The following TMEM150C variants were observed in gnomAD, a reference collection of about 807,000 sequenced individuals.
The protein encoded by TMEM150C is tentonin 3.
A neutral mutation model predicts 29.9 loss-of-function variants in TMEM150C; 10 were observed. The observed-to-expected ratio is 0.33, with a 90% confidence interval of 0.21 to 0.57. The LOEUF (loss-of-function observed/expected upper bound fraction) is 0.57, where lower values mean the gene tolerates loss of function less well. Among genes scored for constraint, TMEM150C ranks in the 20% least tolerant of loss-of-function variants. The pLI, the probability that TMEM150C is intolerant of heterozygous loss-of-function variation, is 0.88. For missense variants in TMEM150C, 251 were observed against 303.6 expected, an observed-to-expected ratio of 0.83 and a Z score of 1.29; for synonymous variants, 101 against 112.5, an observed-to-expected ratio of 0.90 and a Z score of 0.64.
Position 82,485,658 on chromosome 4 carries a change from G to T in TMEM150C, c.603C>A (p.Val201=). Residue 201 remains valine, a synonymous_variant, in exon 8 of 8, where the codon GTC becomes GTA. Transcript: ENST00000449862. Reference sequence around the variant, plus strand: ...TGCCAAAATAAGACAGGAAGCACATGACCAGGCCCCACTGGACCCTGGCTG... The same window carrying T: ...TGCCAAAATAAGACAGGAAGCACATTACCAGGCCCCACTGGACCCTGGCTG... The part of the protein sequence containing the change: ...MYAARVQWGL[V]MCFLSYFGTF... The T allele has an allele frequency of 6.2e-7, 1 of 1,609,708 alleles. No homozygotes were observed. The highest frequency in any genetic ancestry group is 1.1e-5 in the South Asian group (1 of 89,886).
chr4:82,502,273 T>C (rs914205735), intron 5 of TMEM150C, among the ~76,000 whole-genome samples: 3 of 152,218 alleles, frequency 2.0e-5, no homozygotes, highest in Admixed American at 6.5e-5. Context: ...GGAGAGAGTG[T>C]AATCCTAATG....
intron 2 of TMEM150C, among the ~76,000 whole-genome samples, chr4:82,503,576 C>T (rs548342429): frequency 1.2e-4 from 19 of 152,284 alleles, no homozygotes; most frequent in South Asian, 2.1e-4. Flanking sequence ...TCAGGCCGGG[C>T]GCAGTGGCTC....
At chr4:82,542,884 A>G (rs963734400) in intron 1 of TMEM150C, among the ~76,000 whole-genome samples, 17 of 152,214 alleles carry the variant, frequency 1.1e-4, no homozygotes, top group Admixed American at 4.6e-4. Context: ...CACAGTACTG[A>G]AAGTACTTCA....
chr4:82,520,483 A>G (rs1393007322), intron 1 of TMEM150C, among the ~76,000 whole-genome samples: 1 of 152,146 alleles, frequency 6.6e-6, no homozygotes, highest in Non-Finnish European at 1.5e-5. Flanking sequence ...CACACCCCAC[A>G]TTCAATGTGC....
intron 6 of TMEM150C, chr4:82,495,794 T>C (rs1723537119): frequency 2.4e-6 from 1 of 413,984 alleles, no homozygotes; most frequent in Non-Finnish European, 4.6e-6. Context: ...GCAATTTCTG[T>C]GGCCATATGC....
intron 1 of TMEM150C, among the ~76,000 whole-genome samples, chr4:82,538,534 G>A (rs1347104195): frequency 6.6e-6 from 1 of 151,994 alleles, no homozygotes; most frequent in East Asian, 1.9e-4. Context: ...GGATATAAGT[G>A]TATGTACAAT....
intron 1 of TMEM150C, among the ~76,000 whole-genome samples, chr4:82,559,603 G>A (rs1406078441): frequency 2.0e-5 from 3 of 152,116 alleles, no homozygotes; most frequent in Non-Finnish European, 4.4e-5. Flanking sequence ...ACACACCTGT[G>A]TCTAGTCCTA....
intron 1 of TMEM150C, among the ~76,000 whole-genome samples, chr4:82,539,459 C>CTTTTTTTTT (rs34120699): frequency 1.4e-5 from 2 of 147,436 alleles, no homozygotes; most frequent in Non-Finnish European, 3.0e-5. Context: ...ATCCAAACAA[C>CTTTTTTTTT]TTTTTTTTTT....
chr4:82,494,783 A>ATT (rs70964776), intron 6 of TMEM150C: 38,654 of 187,466 alleles, frequency 0.21, 5,962 homozygotes, highest in African/African-American at 0.37. Context: ...AATGTTCCTA[A>ATT]TTTTTTTTTT....
chr4:82,532,370 A>G (rs1724874634), intron 1 of TMEM150C, among the ~76,000 whole-genome samples: 1 of 152,146 alleles, frequency 6.6e-6, no homozygotes, highest in African/African-American at 2.4e-5. Context: ...GAGGGAAGGA[A>G]GAGAAAAAGA....
At chr4:82,491,106 AG>A in intron 6 of TMEM150C, 1 of 703,196 alleles carries the variant, frequency 1.4e-6, no homozygotes, top group East Asian at 2.6e-5. Flanking sequence ...TTTACGACAC[AG>A]GGCAGGCAGG....
intron 1 of TMEM150C, among the ~76,000 whole-genome samples, chr4:82,551,374 A>G (rs538728841): frequency 5.0e-4 from 76 of 152,340 alleles, no homozygotes; most frequent in African/African-American, 1.8e-3. Context: ...TCAGTGCTCT[A>G]TCACCAATAC....
chr4:82,491,730 G>A (rs1375975723), intron 6 of TMEM150C: 1 of 363,402 alleles, frequency 2.8e-6, no homozygotes, highest in Admixed American at 4.2e-5. Flanking sequence ...ATGAACTTCT[G>A]AGCTCAAGTA....
chr4:82,504,195 T>C (rs931543491), intron 2 of TMEM150C, among the ~76,000 whole-genome samples: 2 of 152,052 alleles, frequency 1.3e-5, no homozygotes, highest in Non-Finnish European at 2.9e-5. Context: ...GTCATAAAGA[T>C]ATGCCATCTA....
chr4:82,541,961 G>C (rs1203569872), intron 1 of TMEM150C, among the ~76,000 whole-genome samples: 1 of 152,204 alleles, frequency 6.6e-6, no homozygotes. Context: ...TACTTAATGC[G>C]CAGTAAGGTA....
intron 1 of TMEM150C, among the ~76,000 whole-genome samples, chr4:82,551,006 G>A (rs1293791251): frequency 1.3e-5 from 2 of 152,148 alleles, no homozygotes; most frequent in Non-Finnish European, 2.9e-5. Flanking sequence ...TGGAGTTTGA[G>A]GCTGAATTCA....
chr4:82,490,777 ATTACT>A (rs1472122321), intron 6 of TMEM150C: 2 of 398,462 alleles, frequency 5.0e-6, no homozygotes, highest in South Asian at 2.2e-5. Flanking sequence ...GAAAATTTGT[ATTACT>A]TTAATTGTTT....
intron 1 of TMEM150C, among the ~76,000 whole-genome samples, chr4:82,523,972 A>G (rs1386018771): frequency 6.6e-6 from 1 of 151,624 alleles, no homozygotes; most frequent in Non-Finnish European, 1.5e-5. Flanking sequence ...GTGAGCCACT[A>G]CACCTGGCCT....
intron 6 of TMEM150C, among the ~76,000 whole-genome samples, chr4:82,492,269 C>G (rs971981702): frequency 2.6e-5 from 4 of 152,152 alleles, no homozygotes; most frequent in Admixed American, 2.0e-4. Flanking sequence ...GCTGGGATTA[C>G]AGGCATATGC....
Sources: gnomAD v4.1 joint callset for allele counts (sites outside exome capture counted in the v4.1 genomes callset) on GRCh38, gnomAD v4.1.1 for gene constraint, MANE v1.5 for transcripts, NCBI Gene and HGNC (gene_info 2026-07-23, HGNC 2026-07-21) for gene names.